Variants in VWC2L observed in about 807,000 individuals in gnomAD.
VWC2L encodes von Willebrand factor C domain containing 2 like.
In VWC2L, 10 loss-of-function variants were observed where a neutral mutation model predicts 21.6. The observed-to-expected ratio is 0.46, with a 90% confidence interval of 0.29 to 0.78. VWC2L has a LOEUF of 0.78. Ranked by LOEUF, VWC2L falls within the 30% of genes least tolerant of loss-of-function variation. The pLI is 0.10. For missense variants in VWC2L, 209 were observed against 277.1 expected (o/e 0.75, Z 1.74); for synonymous variants, 96 against 94.3 (o/e 1.02, Z -0.10).
chr2:214,561,809 T>TATATATATATATATATATAAATATAC (rs1489588765), intron 3 of VWC2L, among the ~76,000 whole-genome samples: 1 of 127,228 alleles, frequency 7.9e-6, no homozygotes, highest in Non-Finnish European at 1.6e-5. Flanking sequence ...TATATATATA[T>TATATATATATATATATATAAATATAC]ACACACACAT....
intron 3 of VWC2L, among the ~76,000 whole-genome samples, chr2:214,551,624 G>A (rs1488865885): frequency 6.6e-6 from 1 of 152,164 alleles, no homozygotes; most frequent in African/African-American, 2.4e-5. Flanking sequence ...AGCTCTTAGT[G>A]ATTTTTATTG....
At chr2:214,470,836 G>A (rs1402917687) in intron 3 of VWC2L, among the ~76,000 whole-genome samples, 1 of 137,738 alleles carries the variant, frequency 7.3e-6, no homozygotes, top group African/African-American at 2.7e-5. Context: ...AGAATCGCTT[G>A]AACTTGGGAG....
chr2:214,485,828 ACT>A (rs1688665834), intron 3 of VWC2L, among the ~76,000 whole-genome samples: 1 of 152,106 alleles, frequency 6.6e-6, no homozygotes, highest in Non-Finnish European at 1.5e-5. Flanking sequence ...AGCTGAATTG[ACT>A]CTCCAAAATG....
intron 3 of VWC2L, among the ~76,000 whole-genome samples, chr2:214,437,231 C>T (rs1702690950): frequency 6.6e-6 from 1 of 152,054 alleles, no homozygotes. Context: ...ATTAGCATTG[C>T]ACTTAAATTG....
chr2:214,545,001 CA>C (rs1202219488), intron 3 of VWC2L, among the ~76,000 whole-genome samples: 2 of 152,074 alleles, frequency 1.3e-5, no homozygotes, highest in African/African-American at 4.8e-5. Context: ...TATTCCATAC[CA>C]CTTAAACTAC....
intron 3 of VWC2L, among the ~76,000 whole-genome samples, chr2:214,460,663 T>C (rs1328659969): frequency 6.6e-6 from 1 of 152,242 alleles, no homozygotes; most frequent in Non-Finnish European, 1.5e-5. Context: ...TTCTGATTCA[T>C]ATTCTGAATT....
At chr2:214,568,586 C>T (rs754858057) in intron 3 of VWC2L, among the ~76,000 whole-genome samples, 1 of 152,088 alleles carries the variant, frequency 6.6e-6, no homozygotes, top group Non-Finnish European at 1.5e-5. Flanking sequence ...AGCAAGAGAG[C>T]TTGTGTAGGG....
At chr2:214,460,881 T>G (rs2126188521) in intron 3 of VWC2L, among the ~76,000 whole-genome samples, 1 of 152,354 alleles carries the variant, frequency 6.6e-6, no homozygotes, top group South Asian at 2.1e-4. Context: ...GGATCATTAC[T>G]TCTTCCAGTT....
intron 3 of VWC2L, among the ~76,000 whole-genome samples, chr2:214,462,468 G>A (rs1238477353): frequency 6.6e-6 from 1 of 152,202 alleles, no homozygotes; most frequent in Non-Finnish European, 1.5e-5. Flanking sequence ...TATTTAAAAT[G>A]TGATTATCTT....
At chr2:214,565,279 T>G (rs377370613) in intron 3 of VWC2L, among the ~76,000 whole-genome samples, 5 of 152,330 alleles carry the variant, frequency 3.3e-5, no homozygotes, top group Admixed American at 1.3e-4. Context: ...TAGATAAATA[T>G]CTTTGCCTAC....
chr2:214,421,048 C>G (rs1702430757), intron 2 of VWC2L, among the ~76,000 whole-genome samples: 1 of 152,222 alleles, frequency 6.6e-6, no homozygotes, highest in African/African-American at 2.4e-5. Context: ...ACTGGGGAAC[C>G]TTTACGTAAT....
chr2:214,473,024 G>A (rs1703333009), intron 3 of VWC2L, among the ~76,000 whole-genome samples: 1 of 152,164 alleles, frequency 6.6e-6, no homozygotes, highest in African/African-American at 2.4e-5. Flanking sequence ...TCACTTTCCA[G>A]AAATGTCTGT....
chr2:214,522,719 C>T (rs1234100706), intron 3 of VWC2L, among the ~76,000 whole-genome samples: 2 of 152,000 alleles, frequency 1.3e-5, no homozygotes, highest in African/African-American at 2.4e-5. Flanking sequence ...AAACATACTA[C>T]CTAATTATCA....
intron 3 of VWC2L, among the ~76,000 whole-genome samples, chr2:214,508,985 G>T (rs1165244765): frequency 2.7e-5 from 4 of 147,270 alleles, no homozygotes; most frequent in African/African-American, 1.0e-4. Flanking sequence ...GCCTTTCCTT[G>T]TCTTTCTCTT....
At chr2:214,480,864 C>CAAAAAAAAAA (rs59720596) in intron 3 of VWC2L, among the ~76,000 whole-genome samples, 7 of 71,750 alleles carry the variant, frequency 9.8e-5, no homozygotes, top group East Asian at 4.2e-4. Context: ...TATGCCAAGC[C>CAAAAAAAAAA]AAAAAAAAAA....
intron 3 of VWC2L, among the ~76,000 whole-genome samples, chr2:214,495,679 T>TACCAAAATTTA (rs1688801967): frequency 6.6e-6 from 1 of 152,150 alleles, no homozygotes; most frequent in Non-Finnish European, 1.5e-5. Context: ...AACAGAGCTG[T>TACCAAAATTTA]TCTATCAAAT....
intron 3 of VWC2L, among the ~76,000 whole-genome samples, chr2:214,449,024 C>A (rs1262806420): frequency 6.6e-6 from 1 of 152,182 alleles, no homozygotes; most frequent in Non-Finnish European, 1.5e-5. Flanking sequence ...CTCTTCCCCA[C>A]ATTCCAACTA....
At chr2:214,501,590 TG>T (rs1380856185) in intron 3 of VWC2L, among the ~76,000 whole-genome samples, 7 of 151,740 alleles carry the variant, frequency 4.6e-5, no homozygotes, top group Non-Finnish European at 7.4e-5. Context: ...GGCATGGTGG[TG>T]GGTGCCTGTA....
At chr2:214,422,414 C>T (rs1702456416) in intron 2 of VWC2L, among the ~76,000 whole-genome samples, 1 of 152,066 alleles carries the variant, frequency 6.6e-6, no homozygotes, top group South Asian at 2.1e-4. Flanking sequence ...TCCCCATGAA[C>T]ATATTTTCAC....
Sources: gnomAD v4.1 joint callset for allele counts (sites outside exome capture counted in the v4.1 genomes callset) on GRCh38, gnomAD v4.1.1 for gene constraint, MANE v1.5 for transcripts, NCBI Gene and HGNC (gene_info 2026-07-23, HGNC 2026-07-21) for gene names.